FMNL2: variants seen among roughly 807,000 people sequenced by gnomAD.
The protein encoded by FMNL2 is formin-like protein 2.
A neutral mutation model predicts 130.2 loss-of-function variants in FMNL2; 51 were observed. The observed-to-expected ratio is 0.39, with a 90% CI of 0.31 to 0.49. The LOEUF is 0.49. Among genes scored for constraint, FMNL2 ranks in the 20% least tolerant of loss-of-function variants. The pLI is 0.85. For synonymous variants in FMNL2, 465 were observed against 467.1 expected, an observed-to-expected ratio of 1.00 and a Z score of 0.06; for missense variants, 977 against 1,316.2, an observed-to-expected ratio of 0.74 and a Z score of 3.99.
chr2:152,349,087 G>A (rs1682314757), intron 1 of FMNL2, among the ~76,000 whole-genome samples: 1 of 124,940 alleles, frequency 8.0e-6, no homozygotes, highest in South Asian at 2.5e-4. Flanking sequence ...CACCCGCCTC[G>A]GCCTCCCAAA....
intron 25 of FMNL2, among the ~76,000 whole-genome samples, chr2:152,642,278 T>C (rs769034562): frequency 2.0e-5 from 3 of 152,164 alleles, no homozygotes; most frequent in Non-Finnish European, 2.9e-5. Context: ...ACATTGTACA[T>C]TGGGATCCTA....
intron 1 of FMNL2, among the ~76,000 whole-genome samples, chr2:152,400,875 A>G (rs969648979): frequency 6.6e-6 from 1 of 152,146 alleles, no homozygotes; most frequent in African/African-American, 2.4e-5. Flanking sequence ...TTTAGGGGTA[A>G]TGATTTTGTA....
At chr2:152,364,766 T>G (rs1346261749) in intron 1 of FMNL2, among the ~76,000 whole-genome samples, 3 of 152,216 alleles carry the variant, frequency 2.0e-5, no homozygotes, top group African/African-American at 7.2e-5. Flanking sequence ...AAGAGAGCTT[T>G]TAGCTGGACT....
chr2:152,561,653 A>C (rs1176054362), intron 6 of FMNL2, among the ~76,000 whole-genome samples: 3 of 147,766 alleles, frequency 2.0e-5, no homozygotes, highest in African/African-American at 7.5e-5. Flanking sequence ...GGCTCACTGC[A>C]CCCTCCACCT....
chr2:152,355,613 A>G (rs1346553007), intron 1 of FMNL2, among the ~76,000 whole-genome samples: 1 of 152,216 alleles, frequency 6.6e-6, no homozygotes, highest in Non-Finnish European at 1.5e-5. Flanking sequence ...GCATCTAGAA[A>G]TGAAAATCTG....
chr2:152,637,799 C>G, intron 23 of FMNL2, 125 bp downstream of exon 23: 3 of 779,756 alleles, frequency 3.8e-6, no homozygotes. Context: ...GTGGCATTCA[C>G]GAGATAGCAG....
chr2:152,628,561 G>A (rs1681955646), intron 18 of FMNL2, 28 bp downstream of exon 18: 1 of 1,577,906 alleles, frequency 6.3e-7, no homozygotes, highest in East Asian at 2.2e-5. Flanking sequence ...GGCAGGGGAG[G>A]GGGTCCAAAG....
chr2:152,497,610 G>A (rs1691582631), intron 1 of FMNL2, among the ~76,000 whole-genome samples: 1 of 151,924 alleles, frequency 6.6e-6, no homozygotes, highest in Non-Finnish European at 1.5e-5. Flanking sequence ...TATCCTTCCT[G>A]TATATATATT....
intron 7 of FMNL2, among the ~76,000 whole-genome samples, chr2:152,578,139 G>A (rs564380499): frequency 7.9e-5 from 12 of 152,160 alleles, no homozygotes; most frequent in Admixed American, 7.8e-4. Context: ...GAGGTGAGGA[G>A]GTAAGCCACA....
intron 9 of FMNL2, among the ~76,000 whole-genome samples, chr2:152,599,010 G>T: frequency 6.6e-6 from 1 of 152,206 alleles, no homozygotes; most frequent in East Asian, 1.9e-4. Flanking sequence ...GAGCTCCATT[G>T]TCCAAGGGCA....
chr2:152,499,201 A>G (rs1237185998), intron 1 of FMNL2, among the ~76,000 whole-genome samples: 2 of 152,216 alleles, frequency 1.3e-5, no homozygotes, highest in Non-Finnish European at 2.9e-5. Flanking sequence ...TAGAGGATCA[A>G]TATTTCGAAC....
intron 1 of FMNL2, among the ~76,000 whole-genome samples, chr2:152,439,415 A>G (rs769598811): frequency 6.6e-6 from 1 of 152,142 alleles, no homozygotes; most frequent in Admixed American, 6.5e-5. Context: ...TTGGTTTTTT[A>G]ATCAAGCCAG....
intron 1 of FMNL2, among the ~76,000 whole-genome samples, chr2:152,496,114 AACAGGG>A (rs2105305214): frequency 6.6e-6 from 1 of 152,336 alleles, no homozygotes; most frequent in East Asian, 1.9e-4. Flanking sequence ...CTAGGAAATT[AACAGGG>A]ACACAATACT....
intron 2 of FMNL2, among the ~76,000 whole-genome samples, chr2:152,540,816 A>G (rs1579918733): frequency 6.6e-6 from 1 of 152,150 alleles, no homozygotes; most frequent in African/African-American, 2.4e-5. Flanking sequence ...CAATGTGCAC[A>G]TGTACCCTAA....
intron 1 of FMNL2, among the ~76,000 whole-genome samples, chr2:152,488,915 T>A (rs1690985774): frequency 6.6e-6 from 1 of 152,008 alleles, no homozygotes; most frequent in East Asian, 1.9e-4. Flanking sequence ...CTACAAAAAA[T>A]AAAAAATTAG....
chr2:152,431,774 C>T (rs905481872), intron 1 of FMNL2, among the ~76,000 whole-genome samples: 3 of 151,378 alleles, frequency 2.0e-5, no homozygotes, highest in South Asian at 2.1e-4. Flanking sequence ...GAGACCAGCC[C>T]GGGCAACATA....
intron 4 of FMNL2, among the ~76,000 whole-genome samples, chr2:152,551,491 G>C (rs990406376): frequency 6.6e-6 from 1 of 152,196 alleles, no homozygotes; most frequent in Non-Finnish European, 1.5e-5. Flanking sequence ...CTTACGTGAA[G>C]TAAAACCACA....
At chr2:152,391,459 C>T (rs761229991) in intron 1 of FMNL2, among the ~76,000 whole-genome samples, 6 of 152,064 alleles carry the variant, frequency 3.9e-5, no homozygotes, top group Non-Finnish European at 8.8e-5. Context: ...GTGGAGTTCA[C>T]CAGCAAATGT....
chr2:152,607,494 C>CACAG lies in FMNL2; in HGVS notation c.951+84_951+85insGACA, dbSNP rs201558427. On this transcript the variant is annotated intron_variant, in intron 10 of 25. Coordinates refer to ENST00000288670, the MANE Select transcript of FMNL2 (RefSeq NM_052905.4). ...ATACACACACACACACACACACACA[C>CACAG]ACACACACACACATATTTATATTAC... The CACAG allele has an allele frequency of 2.0e-5, 18 of 893,396 alleles. No individual in the cohort carries two copies. The African/African-American group carries it at 2.8e-4, about 14-fold the overall frequency. 55.3% of individuals were successfully genotyped at this position (893,396 alleles called of 1,614,324 possible). A position where few individuals can be genotyped will look rare whatever the true frequency, so the allele number is the denominator to read the frequency against.
Sources: allele counts gnomAD v4.1 joint callset (sites outside exome capture counted in the v4.1 genomes callset), GRCh38; gene constraint gnomAD v4.1.1; transcripts MANE v1.5; gene names NCBI Gene and HGNC (gene_info 2026-07-23, HGNC 2026-07-21).